LZTFL1: variants seen among roughly 807,000 people sequenced by gnomAD.
LZTFL1 encodes leucine zipper transcription factor-like protein 1.
LZTFL1 carries 25 observed loss-of-function variants against 45.9 expected under a neutral mutation model. The ratio of observed to expected loss-of-function variants is 0.54; its 90% CI spans 0.40 to 0.76. The LOEUF (loss-of-function observed/expected upper bound fraction) is 0.76, where lower values mean the gene tolerates loss of function less well. Ranked by LOEUF, LZTFL1 falls within the 30% of genes least tolerant of loss-of-function variation. The pLI, the probability that LZTFL1 is intolerant of heterozygous loss-of-function variation, is 0.00. For synonymous variants in LZTFL1, 93 were observed against 117.4 expected, an observed-to-expected ratio of 0.79 and a Z score of 1.35; for missense variants, 277 against 331.1, an observed-to-expected ratio of 0.84 and a Z score of 1.27.
At chr3:45,880,544 C>T (rs1027195551) in intron 2 of LZTFL1, among the ~76,000 whole-genome samples, 2 of 152,118 alleles carry the variant, frequency 1.3e-5, no homozygotes, top group African/African-American at 4.8e-5. Flanking sequence ...TATATAAGTC[C>T]TTTGGGTAGC....
intron 2 of LZTFL1, among the ~76,000 whole-genome samples, chr3:45,886,971 G>A (rs954052122): frequency 1.3e-5 from 2 of 152,288 alleles, no homozygotes; most frequent in African/African-American, 2.4e-5. Flanking sequence ...AGGGGTAAAG[G>A]ACACACCCAT....
chr3:45,845,916 C>T (rs763609065), upstream of LZTFL1, among the ~76,000 whole-genome samples: 8 of 152,118 alleles, frequency 5.3e-5, no homozygotes, highest in South Asian at 2.1e-4. Flanking sequence ...TGAACTCAAA[C>T]GGAAATGTCA....
intron 2 of LZTFL1, chr3:45,884,025 T>C: frequency 4.4e-6 from 1 of 228,204 alleles, no homozygotes; most frequent in Non-Finnish European, 9.3e-6. Flanking sequence ...TCCTGAGATC[T>C]GAGCAGGTCT....
chr3:45,849,977 G>A (rs1319443308), intron 4 of LZTFL1, among the ~76,000 whole-genome samples: 1 of 152,150 alleles, frequency 6.6e-6, no homozygotes, highest in African/African-American at 2.4e-5. Context: ...GAAAACCATG[G>A]AGATAGTTGT....
chr3:45,842,022 A>G lies in LZTFL1; in HGVS notation c.-31T>C. The stretch of plus-strand genomic sequence containing the variant: ...CAGGCAGCGGCGGCAGCCTAAAGGA[A>G]CGGGAGAGGCCAGGCGGTGCCCCGC... On this transcript the variant is annotated 5_prime_UTR_variant, in exon 1 of 10. Transcript: ENST00000296135. 6.2e-7 allele frequency: 1 copy of G among 1,607,292 alleles called. No homozygotes were observed. The highest frequency in any genetic ancestry group is 8.5e-7 in the Non-Finnish European group (1 of 1,178,244).
At chr3:45,890,273 T>TATATATATAAATATATATATATAAC (rs1702112353) in intron 2 of LZTFL1, among the ~76,000 whole-genome samples, 1 of 20,878 alleles carries the variant, frequency 4.8e-5, no homozygotes, top group Non-Finnish European at 1.2e-4. Flanking sequence ...ATATATAACA[T>TATATATATAAATATATATATATAAC]ATATATATAT....
At chr3:45,863,736 C>A (rs144571851) in intron 2 of LZTFL1, among the ~76,000 whole-genome samples, 1 of 152,178 alleles carries the variant, frequency 6.6e-6, no homozygotes, top group Non-Finnish European at 1.5e-5. Flanking sequence ...GGGCCTCTAT[C>A]GGCCACTGGC....
At chr3:45,861,448 T>TAA (rs2125709317) in intron 2 of LZTFL1, among the ~76,000 whole-genome samples, 1 of 152,290 alleles carries the variant, frequency 6.6e-6, no homozygotes, top group East Asian at 1.9e-4. Flanking sequence ...AAGGTTTTTC[T>TAA]AACTGGCTGC....
At position 45,880,874 on chromosome 3, in the gene LZTFL1, C is replaced by T. The variant is rs903458123; in HGVS notation, c.-214-21858G>A. Among the ~76,000 whole-genome samples, 6 of 152,182 alleles carry T rather than the reference C, an allele frequency of 3.9e-5. No individual in the cohort carries two copies. In the East Asian group the frequency reaches 9.7e-4, roughly 25 times the overall value. On this transcript the variant is annotated intron_variant, in intron 2 of 4. Transcript: ENST00000472635. ...TCCATCACCTCTGTCTGTACTGATT[C>T]TCTGCATGGCATTTGTCGCTATTTA...
intron 2 of LZTFL1, among the ~76,000 whole-genome samples, chr3:45,886,017 C>T (rs1183239874): frequency 8.5e-5 from 13 of 152,192 alleles, no homozygotes. Context: ...ACTGCACTGG[C>T]CCTAGTTAGC....
chr3:45,835,072 A>G (rs1335626608), intron 3 of LZTFL1: 1 of 152,586 alleles, frequency 6.6e-6, no homozygotes, highest in African/African-American at 2.4e-5. Flanking sequence ...AACTTCACCA[A>G]TTTTACCATA....
intron 2 of LZTFL1, among the ~76,000 whole-genome samples, chr3:45,870,146 C>A (rs1333720168): frequency 1.3e-5 from 2 of 152,210 alleles, no homozygotes; most frequent in African/African-American, 4.8e-5. Flanking sequence ...CTCAGCCTGG[C>A]AGGAGGGGCA....
At chr3:45,877,716 A>AT (rs1344270575) in intron 2 of LZTFL1, among the ~76,000 whole-genome samples, 2 of 151,658 alleles carry the variant, frequency 1.3e-5, no homozygotes, top group Middle Eastern at 3.2e-3. Flanking sequence ...TCTTTGTTTT[A>AT]AAGCATAATT....
intron 2 of LZTFL1, among the ~76,000 whole-genome samples, chr3:45,836,836 T>C (rs1460474998): frequency 6.6e-6 from 1 of 152,194 alleles, no homozygotes; most frequent in African/African-American, 2.4e-5. Context: ...TCTTCAGCAA[T>C]GATTCTGGGC....
At chr3:45,835,445 C>T (rs1353934573) in intron 3 of LZTFL1, 145 bp downstream of exon 3, 1 of 670,200 alleles carries the variant, frequency 1.5e-6, no homozygotes, top group Admixed American at 2.7e-5. Context: ...CAAGAGATCA[C>T]TCAGTGACTC....
intron 2 of LZTFL1, among the ~76,000 whole-genome samples, chr3:45,874,234 T>C (rs990153232): frequency 1.3e-5 from 2 of 152,202 alleles, no homozygotes; most frequent in South Asian, 4.1e-4. Flanking sequence ...TCCACAACTA[T>C]TTCATGAAAA....
intron 2 of LZTFL1, among the ~76,000 whole-genome samples, chr3:45,883,177 A>C (rs1384661385): frequency 6.6e-6 from 1 of 152,194 alleles, no homozygotes; most frequent in Non-Finnish European, 1.5e-5. Context: ...CTGAATAGAG[A>C]GGGAAGTTTT....
chr3:45,907,650 C>A (rs1031029879), intron 2 of LZTFL1, among the ~76,000 whole-genome samples: 1 of 152,204 alleles, frequency 6.6e-6, no homozygotes, highest in Non-Finnish European at 1.5e-5. Context: ...GGCAAGATGA[C>A]GTGGCAAAGT....
At chr3:45,842,802 C>G (rs1196427225), upstream of LZTFL1, among the ~76,000 whole-genome samples, 2 of 152,206 alleles carry the variant, frequency 1.3e-5, no homozygotes, top group Admixed American at 6.5e-5. Flanking sequence ...ATTCACAAGT[C>G]TAGCTTGGGT....
Sources: gnomAD v4.1 joint callset for allele counts (sites outside exome capture counted in the v4.1 genomes callset) on GRCh38, gnomAD v4.1.1 for gene constraint, MANE v1.5 for transcripts, NCBI Gene and HGNC (gene_info 2026-07-23, HGNC 2026-07-21) for gene names.